Variants in JAZF1 observed in about 807,000 individuals in gnomAD.
JAZF1 encodes the protein JAZF zinc finger 1.
JAZF1 carries 8 observed loss-of-function variants against 26.4 expected under a neutral mutation model. The observed-to-expected ratio is 0.30, with a 90% CI of 0.18 to 0.55. The LOEUF (loss-of-function observed/expected upper bound fraction) is 0.55. JAZF1 is among the 20% of genes least tolerant of loss of function. The probability of loss-of-function intolerance (pLI) is 0.94; values close to 1 mark genes in which losing one functional copy is unlikely to be tolerated. For synonymous variants in JAZF1, 126 were observed against 122.3 expected, an observed-to-expected ratio of 1.03 and a Z score of -0.20; for missense variants, 199 against 322.0, an observed-to-expected ratio of 0.62 and a Z score of 2.92.
At chr7:27,938,683 A>AT (rs1371024633) in intron 2 of JAZF1, among the ~76,000 whole-genome samples, 1 of 152,034 alleles carries the variant, frequency 6.6e-6, no homozygotes, top group Non-Finnish European at 1.5e-5. Context: ...GCTTTTAATG[A>AT]TTTTTTGAGA....
chr7:28,093,023 G>A (rs1253646286), intron 1 of JAZF1, among the ~76,000 whole-genome samples: 1 of 152,168 alleles, frequency 6.6e-6, no homozygotes, highest in Non-Finnish European at 1.5e-5. Context: ...CATGTGCACT[G>A]GAAGAACACA....
At chr7:27,837,609 G>A (rs563175098) in intron 4 of JAZF1, among the ~76,000 whole-genome samples, 3 of 152,178 alleles carry the variant, frequency 2.0e-5, no homozygotes, top group Non-Finnish European at 4.4e-5. Context: ...TATGAGGGGC[G>A]GAGAGGGGAG....
At chr7:28,178,504 A>C (rs554296724) in intron 1 of JAZF1, among the ~76,000 whole-genome samples, 67 of 152,038 alleles carry the variant, frequency 4.4e-4, no homozygotes, top group African/African-American at 1.5e-3. Flanking sequence ...AAGAGAAATT[A>C]TTTATTTATA....
chr7:28,153,711 C>T (rs868497289), intron 1 of JAZF1, among the ~76,000 whole-genome samples: 1 of 152,184 alleles, frequency 6.6e-6, no homozygotes, highest in South Asian at 2.1e-4. Flanking sequence ...TTCATGGCTT[C>T]CAGAGCCTTC....
chr7:28,109,130 A>G (rs1784599872), intron 1 of JAZF1, among the ~76,000 whole-genome samples: 1 of 152,188 alleles, frequency 6.6e-6, no homozygotes. Flanking sequence ...AATTCTGGGG[A>G]TGTAATTAAT....
rs189292520 is a variant in JAZF1, at chr7:28,003,591, C to A, written c.116-11610G>T. 2.6e-5 allele frequency among the ~76,000 whole-genome samples: 4 copies of A among 152,296 alleles called. No individual in the cohort carries two copies. In the East Asian group the frequency reaches 7.7e-4, roughly 29 times the overall value. ...CATCACCCAATACTACATGTAATAACACCACCTACAAACACTGACATAGGA... is the reference window on the plus strand; with the variant it reads ...CATCACCCAATACTACATGTAATAAAACCACCTACAAACACTGACATAGGA... On this transcript the variant is annotated intron_variant, in intron 1 of 4. Coordinates refer to ENST00000283928, the MANE Select transcript of JAZF1 (RefSeq NM_175061.4).
chr7:27,987,770 AAG>A (rs1192659482), intron 2 of JAZF1, among the ~76,000 whole-genome samples: 1 of 152,252 alleles, frequency 6.6e-6, no homozygotes, highest in Non-Finnish European at 1.5e-5. Flanking sequence ...TGGGAAAAGA[AAG>A]AGAGATCAGA....
intron 1 of JAZF1, 67 bp from the exon 2 acceptor site, chr7:27,992,048 C>G: frequency 1.1e-6 from 1 of 915,718 alleles, no homozygotes. Flanking sequence ...CTACCTAACA[C>G]AAAGTAACAG....
chr7:28,179,272 C>G lies in JAZF1; in HGVS notation c.115+1191G>C, dbSNP rs566457773. ...CACCTTCCGCAGGTGGTTGGACCGC[C>G]TAAGCCAGATGCACCCGGCCCACCT... is the stretch of plus-strand genomic sequence containing the variant. On this transcript the variant is annotated intron_variant, in intron 1 of 4. Transcript: ENST00000283928. Among the ~76,000 whole-genome samples, 4 of 152,360 alleles carry G rather than the reference C, an allele frequency of 2.6e-5. No individual in the cohort carries two copies. In the East Asian group the frequency reaches 7.7e-4, roughly 29 times the overall value.
intron 1 of JAZF1, among the ~76,000 whole-genome samples, chr7:28,119,059 AAACAGTTGAACTGGAAGCC>A (rs1784795995): frequency 6.6e-6 from 1 of 152,154 alleles, no homozygotes; most frequent in Non-Finnish European, 1.5e-5. Flanking sequence ...CTGTTAAAAG[AAACAGTTGAACTGGAAGCC>A]AACAGCTCTG....
At chr7:28,069,556 G>C (rs553253516) in intron 1 of JAZF1, among the ~76,000 whole-genome samples, 4 of 152,160 alleles carry the variant, frequency 2.6e-5, no homozygotes, top group Non-Finnish European at 5.9e-5. Flanking sequence ...CCATGCACCT[G>C]TAATGAGAGG....
intron 3 of JAZF1, among the ~76,000 whole-genome samples, chr7:27,893,519 A>G (rs190916685): frequency 6.6e-6 from 1 of 152,132 alleles, no homozygotes; most frequent in East Asian, 1.9e-4. Flanking sequence ...CCCTCCATGG[A>G]GCCTTTGCAG....
chr7:27,888,478 G>A (rs1783909521), intron 3 of JAZF1, among the ~76,000 whole-genome samples: 2 of 152,108 alleles, frequency 1.3e-5, no homozygotes, highest in African/African-American at 4.8e-5. Flanking sequence ...AGGCATGAGG[G>A]AAGAGCTCAC....
rs1554293530 is a variant in JAZF1, at chr7:28,174,821, G to GGTGGGTGTGTGTGT, written c.115+5641_115+5642insACACACACACCCAC. Among the ~76,000 whole-genome samples, 2 of 107,690 alleles carry GGTGGGTGTGTGTGT rather than the reference G, an allele frequency of 1.9e-5. 1 individual carries two copies. The highest frequency in any genetic ancestry group is 5.6e-5 in the African/African-American group (2 of 35,750). The allele number at this position is 107,690 out of a possible 152,430, so 70.6% of individuals were successfully genotyped here. ...CCTGATCCTGCCTATGGGGTGTGTG[G>GGTGGGTGTGTGTGT]GTGTGTGTGTGTGTGTGTGTGTGTG... On this transcript the variant is annotated intron_variant, in intron 1 of 4. Coordinates refer to ENST00000283928, the MANE Select transcript of JAZF1 (RefSeq NM_175061.4).
At chr7:28,117,145 C>A (rs1181480589) in intron 1 of JAZF1, among the ~76,000 whole-genome samples, 3 of 152,134 alleles carry the variant, frequency 2.0e-5, no homozygotes, top group African/African-American at 7.2e-5. Flanking sequence ...GGTTAACTGT[C>A]CACTGCAAAT....
intron 1 of JAZF1, among the ~76,000 whole-genome samples, chr7:28,160,460 A>T (rs1318913894): frequency 6.6e-6 from 1 of 152,024 alleles, no homozygotes; most frequent in Non-Finnish European, 1.5e-5. Context: ...CCCAGCACTT[A>T]CAGAAGGGCC....
chr7:28,063,578 G>T (rs1189902432), intron 1 of JAZF1, among the ~76,000 whole-genome samples: 1 of 152,032 alleles, frequency 6.6e-6, no homozygotes, highest in African/African-American at 2.4e-5. Flanking sequence ...GTGGAAAAAA[G>T]AATCAAATAT....
At chr7:27,988,079 A>G (rs1040120447) in intron 2 of JAZF1, among the ~76,000 whole-genome samples, 3 of 152,130 alleles carry the variant, frequency 2.0e-5, no homozygotes, top group Admixed American at 1.3e-4. Flanking sequence ...CTGCCTAGGA[A>G]AACCAGAGAC....
At chr7:27,852,105 A>C (rs1220198627) in intron 3 of JAZF1, among the ~76,000 whole-genome samples, 1 of 150,414 alleles carries the variant, frequency 6.6e-6, no homozygotes, top group Non-Finnish European at 1.5e-5. Context: ...TTTTTGACCA[A>C]CGTTTGCTTG....
Sources: gnomAD v4.1 joint callset for allele counts (sites outside exome capture counted in the v4.1 genomes callset) on GRCh38, gnomAD v4.1.1 for gene constraint, MANE v1.5 for transcripts, NCBI Gene and HGNC (gene_info 2026-07-23, HGNC 2026-07-21) for gene names.